Variants in ZNF385D observed in about 807,000 individuals in gnomAD.
The protein encoded by ZNF385D is zinc finger protein 659.
In ZNF385D, 15 loss-of-function variants were observed where a neutral mutation model predicts 35.8. That is an observed-to-expected ratio of 0.42 (90% CI 0.28 to 0.64). The LOEUF (loss-of-function observed/expected upper bound fraction) is 0.64. ZNF385D is among the 30% of genes least tolerant of loss of function. ZNF385D has a pLI of 0.23. For missense variants in ZNF385D, 474 were observed against 494.6 expected, an observed-to-expected ratio of 0.96 and a Z score of 0.39; for synonymous variants, 212 against 186.8, an observed-to-expected ratio of 1.13 and a Z score of -1.10.
chr3:22,083,170 C>A (rs1170005987), intron 3 of ZNF385D, among the ~76,000 whole-genome samples: 1 of 152,236 alleles, frequency 6.6e-6, no homozygotes, highest in Non-Finnish European at 1.5e-5. Context: ...AGCGCCTCTT[C>A]TTCTACTCCA....
At chr3:21,502,706 A>G (rs1220923155) in intron 4 of ZNF385D, among the ~76,000 whole-genome samples, 2 of 152,162 alleles carry the variant, frequency 1.3e-5, no homozygotes, top group East Asian at 3.9e-4. Context: ...CCCACTTCTG[A>G]ATTTCCCTTC....
intron 3 of ZNF385D, among the ~76,000 whole-genome samples, chr3:21,947,391 G>T (rs986528960): frequency 6.6e-6 from 1 of 151,550 alleles, no homozygotes; most frequent in Non-Finnish European, 1.5e-5. Flanking sequence ...TCGCTCTGTC[G>T]CCCAGATTGT....
chr3:22,107,429 G>GA (rs34877571), intron 3 of ZNF385D, among the ~76,000 whole-genome samples: 1 of 151,690 alleles, frequency 6.6e-6, no homozygotes, highest in South Asian at 2.1e-4. Context: ...GATACATGGG[G>GA]AAAAAAGCAA....
chr3:21,446,752 C>A (rs890493119), intron 4 of ZNF385D, among the ~76,000 whole-genome samples: 2 of 151,924 alleles, frequency 1.3e-5, no homozygotes, highest in Admixed American at 1.3e-4. Flanking sequence ...CTCAGCCTCC[C>A]AAAGTGCTGG....
At chr3:21,710,651 T>C (rs1002482294) in intron 1 of ZNF385D, among the ~76,000 whole-genome samples, 1 of 152,182 alleles carries the variant, frequency 6.6e-6, no homozygotes, top group African/African-American at 2.4e-5. Flanking sequence ...GGACAAGATA[T>C]CTTAAACCAT....
chr3:22,254,245 T>C (rs1438443527), intron 2 of ZNF385D, among the ~76,000 whole-genome samples: 2 of 151,860 alleles, frequency 1.3e-5, no homozygotes, highest in Non-Finnish European at 2.9e-5. Flanking sequence ...TTCAAAACTA[T>C]TGAGTCTTAC....
intron 3 of ZNF385D, among the ~76,000 whole-genome samples, chr3:22,137,598 G>A (rs1083720): frequency 1.3e-5 from 2 of 152,092 alleles, no homozygotes; most frequent in Non-Finnish European, 2.9e-5. Context: ...ATGCAGAAAA[G>A]GCCTTTGACA....
chr3:21,890,762 G>C (rs565328787), intron 3 of ZNF385D, among the ~76,000 whole-genome samples: 126 of 152,318 alleles, frequency 8.3e-4, no homozygotes, highest in African/African-American at 3.0e-3. Context: ...AGAAGCAGCA[G>C]AAGAATTGCT....
Position 21,650,945 on chromosome 3 carries a change from T to C in ZNF385D, c.165+13941A>G, listed in dbSNP as rs568661853. On this transcript the variant is annotated intron_variant, in intron 2 of 7. Transcript: ENST00000281523. ...TTAGCTTTTATTTTTGCCAGAAATA[T>C]GATTTTCAGGACCTCGCAATTATCC... Among the ~76,000 whole-genome samples the C allele has an allele frequency of 1.4e-3, 218 of 152,172 alleles. 2 individuals carry two copies. Among genetic ancestry groups the C allele is most frequent in the Non-Finnish European group, 2.7e-3 (181 of 67,998 alleles).
chr3:21,686,175 T>G (rs972789208), intron 1 of ZNF385D, among the ~76,000 whole-genome samples: 2 of 152,200 alleles, frequency 1.3e-5, no homozygotes, highest in Non-Finnish European at 2.9e-5. Context: ...ATTTGTTAGT[T>G]GTAGATATTT....
At chr3:21,588,470 A>G (rs1236060945) in intron 2 of ZNF385D, among the ~76,000 whole-genome samples, 1 of 152,128 alleles carries the variant, frequency 6.6e-6, no homozygotes, top group Admixed American at 6.5e-5. Flanking sequence ...AGAATGTATG[A>G]AAAACTTAAC....
At chr3:21,842,016 G>T (rs982408837) in intron 3 of ZNF385D, among the ~76,000 whole-genome samples, 1 of 151,020 alleles carries the variant, frequency 6.6e-6, no homozygotes, top group Non-Finnish European at 1.5e-5. Flanking sequence ...TATATAAAAT[G>T]GAATATATAA....
intron 3 of ZNF385D, among the ~76,000 whole-genome samples, chr3:21,921,661 A>C (rs73131323): frequency 0.017 from 2,401 of 141,988 alleles, 64 homozygotes; most frequent in African/African-American, 0.054. Context: ...ACAAAATAAG[A>C]AGCCAAGAAT....
At chr3:21,675,993 C>T (rs929672939) in intron 1 of ZNF385D, among the ~76,000 whole-genome samples, 3 of 152,022 alleles carry the variant, frequency 2.0e-5, no homozygotes, top group Non-Finnish European at 4.4e-5. Flanking sequence ...CTCAACGTTC[C>T]GTTGTGATTT....
Position 21,656,020 on chromosome 3 carries a change from T to C in ZNF385D, c.165+8866A>G, listed in dbSNP as rs937140915. Among the ~76,000 whole-genome samples, 5 of 152,098 alleles carry C rather than the reference T, an allele frequency of 3.3e-5. No individual in the cohort carries two copies. The East Asian group carries it at 9.7e-4, about 29-fold the overall frequency. On this transcript the variant is annotated intron_variant, in intron 2 of 7. Coordinates refer to ENST00000281523, the MANE Select transcript of ZNF385D (RefSeq NM_024697.3). Reference sequence around the variant, plus strand: ...GGCAATATATCGTGTATTTACTTCCTTGGTTCATAAGAGTTACAGGGTAGG... The same window carrying C: ...GGCAATATATCGTGTATTTACTTCCCTGGTTCATAAGAGTTACAGGGTAGG...
chr3:21,443,304 T>C (rs1701961464), intron 4 of ZNF385D: 1 of 985,270 alleles, frequency 1.0e-6, no homozygotes, highest in East Asian at 1.1e-4. Flanking sequence ...ATTCTCCAGG[T>C]CCCAAGGACA....
intron 3 of ZNF385D, among the ~76,000 whole-genome samples, chr3:21,559,807 T>C (rs2062874045): frequency 6.6e-6 from 1 of 152,182 alleles, no homozygotes; most frequent in African/African-American, 2.4e-5. Context: ...CAATCAAACG[T>C]AGGTTTGGTC....
At chr3:21,521,237 G>A (rs1349202737) in intron 3 of ZNF385D, among the ~76,000 whole-genome samples, 7 of 152,270 alleles carry the variant, frequency 4.6e-5, no homozygotes, top group Non-Finnish European at 8.8e-5. Flanking sequence ...ACAGTTCTCC[G>A]AGGCACTTTG....
intron 3 of ZNF385D, among the ~76,000 whole-genome samples, chr3:22,063,426 A>G (rs1158813278): frequency 1.3e-5 from 2 of 152,196 alleles, no homozygotes; most frequent in Non-Finnish European, 2.9e-5. Context: ...AAGTATCATG[A>G]TACAAAATTT....
Sources: allele counts gnomAD v4.1 joint callset (sites outside exome capture counted in the v4.1 genomes callset), GRCh38; gene constraint gnomAD v4.1.1; transcripts MANE v1.5; gene names NCBI Gene and HGNC (gene_info 2026-07-23, HGNC 2026-07-21).